EMILIN3: variants seen among roughly 807,000 people sequenced by gnomAD.
The protein encoded by EMILIN3 is elastin microfibril interfacer 3, also known as EMILIN-3.
EMILIN3 carries 38 observed loss-of-function variants against 42.8 expected under a neutral mutation model. The ratio of observed to expected loss-of-function variants is 0.89; its 90% confidence interval spans 0.69 to 1.16. The LOEUF (loss-of-function observed/expected upper bound fraction) is 1.16, where lower values mean the gene tolerates loss of function less well. Among genes scored for constraint, EMILIN3 ranks in the 50% most tolerant of loss-of-function variants. The pLI, the probability that EMILIN3 is intolerant of heterozygous loss-of-function variation, is 0.00. For synonymous variants in EMILIN3, 430 were observed against 440.5 expected (o/e 0.98, Z 0.30); for missense variants, 924 against 999.5 (o/e 0.92, Z 1.02).
chr20:41,361,458 C>T lies in EMILIN3; in HGVS notation c.2111G>A (p.Gly704Asp). 3 of 1,605,794 alleles carry T rather than the reference C, an allele frequency of 1.9e-6. 1 individual carries two copies. The highest frequency in any genetic ancestry group is 8.5e-7 in the Non-Finnish European group (1 of 1,175,120). Reference sequence around the variant, plus strand: ...GCTGTCCAGGCCCGCGGCCAGCAGGCCCAGCCTCCTGCACGCACCCTCCAC... The same window carrying T: ...GCTGTCCAGGCCCGCGGCCAGCAGGTCCAGCCTCCTGCACGCACCCTCCAC... ...AQVEGACRRL[G>D]LLAAGLDSLP... Residue 704 changes from glycine to aspartate, a missense_variant, in exon 4 of 4, where the codon GGC becomes GAC. Transcript: ENST00000332312.
Position 41,362,644 on chromosome 20 carries a change from G to GCAGCCGTCGGTC in EMILIN3, c.913_924dup (p.Asp305_Leu308dup), listed in dbSNP as rs751625820. 6.2e-7 allele frequency: 1 copy of GCAGCCGTCGGTC among 1,608,006 alleles called. No homozygotes were observed. The highest frequency in any genetic ancestry group is 2.2e-5 in the East Asian group (1 of 44,872). On this transcript the variant is annotated inframe_insertion, in exon 4 of 4. Transcript: ENST00000332312. Reference sequence around the variant, plus strand: ...TCCAGCAGGCTCCCCCAGAGTCGGTGCAGCCGTCGGTCCACGTACTCCTCC... The same window carrying GCAGCCGTCGGTC: ...TCCAGCAGGCTCCCCCAGAGTCGGTGCAGCCGTCGGTCCAGCCGTCGGTCCACGTACTCCTCC...
At position 41,361,346 on chromosome 20, in the gene EMILIN3, G is replaced by A. The variant is rs1309760990; in HGVS notation, c.2223C>T (p.Asp741=). The A allele has an allele frequency of 6.2e-7, 1 of 1,612,652 alleles. No individual in the cohort carries two copies. The highest frequency in any genetic ancestry group is 8.5e-7 in the Non-Finnish European group (1 of 1,179,326). ...LNRTLAQHTQ[D]IARLRDDLLD... ...GTAGGTCATCCCGGAGGCGGGCAAT[G>A]TCCTGCGTGTGCTGGGCCAGCGTAC... Residue 741 remains aspartate (D), a synonymous_variant, in exon 4 of 4, where the codon GAC becomes GAT. Transcript: ENST00000332312.
Position 41,361,494 on chromosome 20 carries a change from C to A in EMILIN3, c.2075G>T (p.Arg692Leu), listed in dbSNP as rs779429938. The change falls in exon 4 of 4, where the codon CGG becomes CTG. Residue 692 changes from arginine to leucine, a missense_variant. Physicochemically the swap from Arg to Leu is moderately radical, Grantham distance 102. Transcript: ENST00000332312. ...GCACGCACCCTCCACTTGTGCCACC[C>A]GCTGGTCAAAGTGTCCCACTGTGTG... is the stretch of plus-strand genomic sequence containing the variant. ...LQHTVGHFDQ[R>L]VAQVEGACRR... 23 of 1,608,220 alleles carry A rather than the reference C, an allele frequency of 1.4e-5. No individual in the cohort carries two copies. Among genetic ancestry groups the A allele is most frequent in the Non-Finnish European group, 2.0e-5 (23 of 1,176,882 alleles).
At chr20:41,363,327 G>A (rs530626178) in intron 3 of EMILIN3, among the ~76,000 whole-genome samples, 1 of 152,198 alleles carries the variant, frequency 6.6e-6, no homozygotes, top group South Asian at 2.1e-4. Flanking sequence ...ATCTTTAGTA[G>A]AGATGGGGTT....
rs1435692132 is a variant in EMILIN3 at position 41,360,910 on chromosome 20, G to A, written c.*358C>T. On this transcript the variant is annotated 3_prime_UTR_variant, in exon 4 of 4. Transcript: ENST00000332312. ...AGGGTCCTCTCAAGGCCTTACATAC[G>A]GACACTGATCAAGGCCAGTTTGCCA... 5 of 326,636 alleles carry A rather than the reference G, an allele frequency of 1.5e-5. No homozygotes were observed. Among genetic ancestry groups the A allele is most frequent in the Admixed American group, 4.2e-5 (1 of 23,626 alleles). The allele number at this position is 326,636 out of a possible 1,614,324, so 20.2% of individuals were successfully genotyped here.
chr20:41,362,120 T>C lies in EMILIN3; in HGVS notation c.1449A>G (p.Thr483=). ...TGTCATGGCTTAGCTCCCCAGCCAA[T>C]GTTGCTAGGCGCTCCTCGAGGCTCT... ...RVQSLEERLA[T]LAGELSHDSA... is the part of the protein sequence containing the mutation. Residue 483 remains threonine (T), a synonymous_variant, in exon 4 of 4, where the codon ACA becomes ACG. Coordinates refer to ENST00000332312, the MANE Select transcript of EMILIN3 (RefSeq NM_052846.2). The C allele has an allele frequency of 6.2e-7, 1 of 1,606,026 alleles. No individual in the cohort carries two copies. Among genetic ancestry groups the C allele is most frequent in the East Asian group, 2.2e-5 (1 of 44,604 alleles).
At chr20:41,363,488 A>G (rs932660623) in intron 3 of EMILIN3, 150 bp downstream of exon 3, 2 of 793,530 alleles carry the variant, frequency 2.5e-6, no homozygotes, top group Non-Finnish European at 3.9e-6. Flanking sequence ...TAACTCCCTC[A>G]GCTTTATGGT....
chr20:41,362,190 C>A lies in EMILIN3; in HGVS notation c.1379G>T (p.Gly460Val), dbSNP rs754621531. Reference protein sequence around the residue: ...RGCCLRLDMGGWGVGGFGTML... With the variant: ...RGCCLRLDMGVWGVGGFGTML... ...GGTCCCAAAGCCGCCCACTCCCCAC[C>A]CCCCCATGTCCAACCTCAGACAGCA... The change falls in exon 4 of 4, where the codon GGG becomes GTG. Residue 460 changes from glycine to valine, a missense_variant. By Grantham distance (109) the Gly-to-Val change is moderately radical. Coordinates refer to ENST00000332312, the MANE Select transcript of EMILIN3 (RefSeq NM_052846.2). 2 of 1,613,710 alleles carry A rather than the reference C, an allele frequency of 1.2e-6. No individual in the cohort carries two copies. Among genetic ancestry groups the A allele is most frequent in the East Asian group, 2.2e-5 (1 of 44,870 alleles).
In EMILIN3 at chr20:41,363,636, A is replaced by C; in HGVS notation, c.514+2T>G. On this transcript the variant is annotated splice_donor_variant, in intron 3 of 3. Transcript: ENST00000332312. LOFTEE classifies it high-confidence loss of function. Reference sequence around the variant, plus strand: ...TTGGAGGGTCTCCTTGGGCAGACTCACCATGAGGGCTGGGGGCTGCTCTGC... The same window carrying C: ...TTGGAGGGTCTCCTTGGGCAGACTCCCCATGAGGGCTGGGGGCTGCTCTGC... 6.2e-7 allele frequency: 1 copy of C among 1,604,094 alleles called. No homozygotes were observed. Among genetic ancestry groups the C allele is most frequent in the South Asian group, 1.1e-5 (1 of 90,752 alleles).
In EMILIN3 at chr20:41,365,022, G is replaced by A; in HGVS notation, c.290+13C>T. The A allele has an allele frequency of 6.2e-7, 1 of 1,613,428 alleles. No homozygotes were observed. The highest frequency in any genetic ancestry group is 8.5e-7 in the Non-Finnish European group (1 of 1,179,618). On this transcript the variant is annotated intron_variant, in intron 2 of 3. Coordinates refer to ENST00000332312, the MANE Select transcript of EMILIN3 (RefSeq NM_052846.2). The stretch of plus-strand genomic sequence containing the variant: ...CAGGGGATTCCAAGTGTGTAGGTGA[G>A]GAGTGCACTTACGTGACTGTCCCGG...
intron 1 of EMILIN3, 25 bp from the exon 2 acceptor site, chr20:41,365,182 G>A (rs1439232586): frequency 7.4e-6 from 12 of 1,612,208 alleles, no homozygotes; most frequent in Non-Finnish European, 1.0e-5. Flanking sequence ...GGCACCCCTG[G>A]AATATCTGGC....
intron 3 of EMILIN3, 55 bp downstream of exon 3, chr20:41,363,583 G>A: frequency 6.6e-7 from 1 of 1,514,350 alleles, no homozygotes; most frequent in Non-Finnish European, 8.9e-7. Context: ...CCCTGCCCCT[G>A]CCACTGAGCC....
Position 41,366,798 on chromosome 20 carries a change from G to C in EMILIN3, c.-164C>G. On this transcript the variant is annotated 5_prime_UTR_variant, in exon 1 of 4. Coordinates refer to ENST00000332312, the MANE Select transcript of EMILIN3 (RefSeq NM_052846.2). This position sits in a 1 kb window ranked among gnomAD's most constrained non-coding sequence, Gnocchi z 4.2. ...CTGGCCCGGCCGCCTGGCGCTTCGC[G>C]GCGGCTGCGTCCCGCGGAGTGGCCG... 1 of 308,966 alleles carries C rather than the reference G, an allele frequency of 3.2e-6. No individual in the cohort carries two copies. The highest frequency in any genetic ancestry group is 4.7e-6 in the Non-Finnish European group (1 of 211,870). 19.1% of individuals were successfully genotyped at this position (308,966 alleles called of 1,614,324 possible). A position where few individuals can be genotyped will look rare whatever the true frequency, so the allele number is the denominator to read the frequency against.
rs888165942 is a variant in EMILIN3, at chr20:41,363,030, C to T, written c.539G>A (p.Gly180Asp). The T allele has an allele frequency of 6.3e-7, 1 of 1,596,752 alleles. No individual in the cohort carries two copies. Among genetic ancestry groups the T allele is most frequent in the African/African-American group, 1.3e-5 (1 of 74,668 alleles). ...ACCCTCCAGGCGTTCCAGCCGCTCACCAAACAGCCCTGGGCCTTTCCTTCC... is the reference window on the plus strand; with the variant it reads ...ACCCTCCAGGCGTTCCAGCCGCTCATCAAACAGCCCTGGGCCTTTCCTTCC... Reference protein sequence around the residue: ...PHGRKGPGLFGERLERLEGDV... With the variant: ...PHGRKGPGLFDERLERLEGDV... Residue 180 changes from glycine to aspartate, a missense_variant, in exon 4 of 4, where the codon GGT (glycine) becomes GAT (aspartate). Transcript: ENST00000332312.
chr20:41,364,636 T>A (rs1286384087), intron 2 of EMILIN3, among the ~76,000 whole-genome samples: 3 of 152,132 alleles, frequency 2.0e-5, no homozygotes, highest in African/African-American at 7.2e-5. Flanking sequence ...GTCACCACAG[T>A]CCTCCCTGGG....
Position 41,362,152 on chromosome 20 carries a change from G to T in EMILIN3, c.1417C>A (p.Arg473Ser), listed in dbSNP as rs142119919. The change falls in exon 4 of 4, where the codon CGC (arginine) becomes AGC (serine). Residue 473 changes from arginine (R) to serine (S), a missense_variant. Transcript: ENST00000332312. ...AGGCGCTCCTCGAGGCTCTGCACGCGCTCTTCCAGCATGGTCCCAAAGCCG... is the reference window on the plus strand; with the variant it reads ...AGGCGCTCCTCGAGGCTCTGCACGCTCTCTTCCAGCATGGTCCCAAAGCCG... ...VGGFGTMLEE[R>S]VQSLEERLAT... The T allele has an allele frequency of 6.2e-7, 1 of 1,610,890 alleles. No individual in the cohort carries two copies.
At position 41,361,228 on chromosome 20, in the gene EMILIN3, G is replaced by A. The variant is rs2235593; in HGVS notation, c.*40C>T. On this transcript the variant is annotated 3_prime_UTR_variant, in exon 4 of 4. Transcript: ENST00000332312. ...GCTGGGCTCTGGGGTGATGTTCCCC[G>A]AGTTGGTGGGATCTAGGGGTTGGGT... 59,151 of 1,518,530 alleles carry A rather than the reference G, an allele frequency of 0.039. 6,292 individuals carry two copies. In the East Asian group the frequency reaches 0.48, roughly 12 times the overall value. The allele number at this position is 1,518,530 out of a possible 1,614,324, so 94.1% of individuals were successfully genotyped here. A position where few individuals can be genotyped will look rare whatever the true frequency, so the allele number is the denominator to read the frequency against.
chr20:41,363,944 A>T, intron 2 of EMILIN3, 83 bp from the exon 3 acceptor site: 1 of 1,333,730 alleles, frequency 7.5e-7, no homozygotes. Context: ...GGCCGCCCTC[A>T]GACACTTGCA....
At position 41,362,744 on chromosome 20, in the gene EMILIN3, C is replaced by A; in HGVS notation, c.825G>T (p.Leu275=). ...GCAGGTGGGCCTCATGGCCAAGTGC[C>A]AGCCCATGCACCTTGTCTAGAAGCT... ...KVQLLDKVHG[L]ALGHEAHLQR... is the part of the protein sequence containing the mutation. Residue 275 remains leucine (L), a synonymous_variant, in exon 4 of 4, where the codon CTG becomes CTT. Coordinates refer to ENST00000332312, the MANE Select transcript of EMILIN3 (RefSeq NM_052846.2). The A allele has an allele frequency of 6.2e-6, 10 of 1,614,194 alleles. No homozygotes were observed. The highest frequency in any genetic ancestry group is 4.4e-5 in the South Asian group (4 of 91,084).
Sources: gnomAD v4.1 joint callset for allele counts (sites outside exome capture counted in the v4.1 genomes callset) on GRCh38, gnomAD v4.1.1 for gene constraint, Gnocchi (gnomAD v3.1) non-coding constraint, MANE v1.5 for transcripts, NCBI Gene and HGNC (gene_info 2026-07-23, HGNC 2026-07-21) for gene names.